CAMK1D: variants seen among roughly 807,000 people sequenced by gnomAD.
CAMK1D encodes the protein calcium/calmodulin dependent protein kinase ID.
In CAMK1D, 9 loss-of-function variants were observed where a neutral mutation model predicts 47.7. The observed-to-expected ratio is 0.19, with a 90% confidence interval of 0.11 to 0.33. The LOEUF is 0.33. CAMK1D is among the 10% of genes least tolerant of loss of function. The pLI, the probability that CAMK1D is intolerant of heterozygous loss-of-function variation, is 1.00. For missense variants in CAMK1D, 291 were observed against 488.7 expected (o/e 0.60, Z 3.81); for synonymous variants, 184 against 184.9 (o/e 0.99, Z 0.04).
chr10:12,681,585 G>A (rs1832437890), intron 3 of CAMK1D, among the ~76,000 whole-genome samples: 1 of 152,226 alleles, frequency 6.6e-6, no homozygotes. Flanking sequence ...TTCTGCTGTG[G>A]TCCTAGTTAG....
intron 2 of CAMK1D, among the ~76,000 whole-genome samples, chr10:12,628,096 A>ATC (rs1554799883): frequency 6.7e-6 from 1 of 149,744 alleles, no homozygotes; most frequent in Non-Finnish European, 1.5e-5. Flanking sequence ...AAAACAAAAA[A>ATC]CAAAAAACAA....
intron 2 of CAMK1D, among the ~76,000 whole-genome samples, chr10:12,643,387 G>C (rs1490689287): frequency 6.6e-6 from 1 of 152,202 alleles, no homozygotes; most frequent in Non-Finnish European, 1.5e-5. Flanking sequence ...TCTGTGGGCT[G>C]TTAGGAGCAG....
intron 1 of CAMK1D, among the ~76,000 whole-genome samples, chr10:12,530,522 A>G (rs968951527): frequency 4.6e-5 from 7 of 152,168 alleles, no homozygotes; most frequent in Admixed American, 4.6e-4. Flanking sequence ...TTGGTAATTG[A>G]CATGCTAATA....
chr10:12,618,109 G>T (rs1262038371), intron 2 of CAMK1D, among the ~76,000 whole-genome samples: 1 of 152,122 alleles, frequency 6.6e-6, no homozygotes, highest in Non-Finnish European at 1.5e-5. Context: ...AGATCCAGTG[G>T]TTCATGATTA....
At chr10:12,818,113 A>G (rs183756101) in intron 8 of CAMK1D, among the ~76,000 whole-genome samples, 1 of 152,210 alleles carries the variant, frequency 6.6e-6, no homozygotes, top group African/African-American at 2.4e-5. Context: ...CCCCCTAAAA[A>G]TTACTCCAGA....
chr10:12,801,359 T>TATCTA (rs1838461043), intron 6 of CAMK1D, among the ~76,000 whole-genome samples: 1 of 87,080 alleles, frequency 1.1e-5, no homozygotes, highest in Non-Finnish European at 2.7e-5. Context: ...CTATCTTATC[T>TATCTA]ATCTATCTAT....
intron 1 of CAMK1D, among the ~76,000 whole-genome samples, chr10:12,357,553 T>A (rs1837554572): frequency 6.6e-6 from 1 of 152,180 alleles, no homozygotes; most frequent in African/African-American, 2.4e-5. Flanking sequence ...TGACGCCAAG[T>A]GATCTGCTCA....
intron 1 of CAMK1D, among the ~76,000 whole-genome samples, chr10:12,362,133 G>C (rs1163474126): frequency 6.6e-6 from 1 of 152,168 alleles, no homozygotes; most frequent in East Asian, 1.9e-4. Context: ...GAAGTGTGCA[G>C]TTCTGTGGTG....
chr10:12,763,401 A>G (rs1448765355), intron 4 of CAMK1D, among the ~76,000 whole-genome samples: 1 of 152,190 alleles, frequency 6.6e-6, no homozygotes, highest in Non-Finnish European at 1.5e-5. Flanking sequence ...TTCTCTTCGT[A>G]GAAAGCTATG....
intron 2 of CAMK1D, among the ~76,000 whole-genome samples, chr10:12,636,670 T>C (rs1839521060): frequency 6.6e-6 from 1 of 152,182 alleles, no homozygotes; most frequent in Non-Finnish European, 1.5e-5. Flanking sequence ...CTGAGAGGGG[T>C]TGAATAACTT....
chr10:12,661,919 C>T (rs555055112), intron 2 of CAMK1D, among the ~76,000 whole-genome samples: 41 of 152,334 alleles, frequency 2.7e-4, no homozygotes, highest in Middle Eastern at 3.4e-3. Flanking sequence ...ATCCCATTTC[C>T]CTTTTAAATA....
chr10:12,781,972 G>GTTT (rs58759372), intron 5 of CAMK1D, among the ~76,000 whole-genome samples: 4 of 128,616 alleles, frequency 3.1e-5, no homozygotes, highest in African/African-American at 5.9e-5. Flanking sequence ...TAATTTAATT[G>GTTT]TTTTTTTTTT....
chr10:12,463,327 G>A (rs1359570417), intron 1 of CAMK1D, among the ~76,000 whole-genome samples: 3 of 151,950 alleles, frequency 2.0e-5, no homozygotes, highest in African/African-American at 4.8e-5. Context: ...TAGTAGAGAC[G>A]GGGTTTCACC....
At chr10:12,382,194 A>T (rs1215211911) in intron 1 of CAMK1D, among the ~76,000 whole-genome samples, 1 of 152,226 alleles carries the variant, frequency 6.6e-6, no homozygotes. Context: ...TAGGGAGAAC[A>T]GTTGAACAAC....
intron 8 of CAMK1D, among the ~76,000 whole-genome samples, chr10:12,821,358 C>T (rs1469582597): frequency 1.3e-5 from 2 of 152,214 alleles, no homozygotes; most frequent in African/African-American, 4.8e-5. Context: ...GCCAAGTTCA[C>T]ATTCCTGAGT....
At chr10:12,468,815 T>G (rs933893844) in intron 1 of CAMK1D, among the ~76,000 whole-genome samples, 3 of 152,142 alleles carry the variant, frequency 2.0e-5, no homozygotes, top group Admixed American at 1.3e-4. Context: ...TTCCAGAAGG[T>G]TTGAGAAGAA....
chr10:12,733,801 C>T (rs1835007546), intron 3 of CAMK1D, among the ~76,000 whole-genome samples: 1 of 151,986 alleles, frequency 6.6e-6, no homozygotes, highest in Non-Finnish European at 1.5e-5. Flanking sequence ...TTTTTTTGGC[C>T]AAAGAATTGA....
intron 1 of CAMK1D, among the ~76,000 whole-genome samples, chr10:12,533,810 A>T (rs1035349846): frequency 4.6e-5 from 7 of 152,218 alleles, no homozygotes; most frequent in Non-Finnish European, 8.8e-5. Context: ...CTGCAAGGCT[A>T]GTATGGTGGC....
At chr10:12,658,928 T>C (rs1419686106) in intron 2 of CAMK1D, among the ~76,000 whole-genome samples, 1 of 152,170 alleles carries the variant, frequency 6.6e-6, no homozygotes, top group African/African-American at 2.4e-5. Context: ...CAGAAAGCCC[T>C]CTGTCCTTGT....
Sources: allele counts gnomAD v4.1 joint callset (sites outside exome capture counted in the v4.1 genomes callset), GRCh38; gene constraint gnomAD v4.1.1; transcripts MANE v1.5; gene names NCBI Gene and HGNC (gene_info 2026-07-23, HGNC 2026-07-21).